Variants in CDH9 observed in about 807,000 individuals in gnomAD.
The protein encoded by CDH9 is cadherin-9.
Under a neutral mutation model 70.9 loss-of-function variants are expected in CDH9, and 28 were observed. The observed-to-expected ratio is 0.40, with a 90% confidence interval of 0.29 to 0.54. The LOEUF is 0.54. CDH9 is among the 20% of genes least tolerant of loss of function. The pLI, the probability that CDH9 is intolerant of heterozygous loss-of-function variation, is 0.59. For synonymous variants in CDH9, 409 were observed against 343.1 expected, an observed-to-expected ratio of 1.19 and a Z score of -2.12; for missense variants, 874 against 984.4, an observed-to-expected ratio of 0.89 and a Z score of 1.50.
intron 1 of CDH9, among the ~76,000 whole-genome samples, chr5:27,024,258 C>G (rs1226711253): frequency 1.3e-5 from 2 of 151,812 alleles, no homozygotes; most frequent in African/African-American, 4.8e-5. Context: ...GAAAGTATGA[C>G]TGCTTACATA....
chr5:27,006,083 C>G (rs1742860159), intron 1 of CDH9, among the ~76,000 whole-genome samples: 1 of 151,994 alleles, frequency 6.6e-6, no homozygotes, highest in African/African-American at 2.4e-5. Context: ...GGCTTAATAC[C>G]TGGGTGACTA....
Position 26,894,516 on chromosome 5 carries a change from T to C in CDH9, c.1254-3952A>G, listed in dbSNP as rs138475491. ...ATACAGAAATAGCTCACTTTTAACT[T>C]TGACAGCGCCAACTTCCAGGTCTAT... On this transcript the variant is annotated intron_variant, in intron 7 of 11. Transcript: ENST00000231021. Among the ~76,000 whole-genome samples the C allele has an allele frequency of 3.5e-3, 528 of 152,194 alleles. 1 individual carries two copies. Among genetic ancestry groups the C allele is most frequent in the African/African-American group, 0.012 (488 of 41,560 alleles).
chr5:27,014,346 G>A (rs1743010026), intron 1 of CDH9, among the ~76,000 whole-genome samples: 1 of 151,806 alleles, frequency 6.6e-6, no homozygotes, highest in East Asian at 1.9e-4. Flanking sequence ...TTCCCATGAT[G>A]GCAGTAAGCC....
intron 1 of CDH9, among the ~76,000 whole-genome samples, chr5:26,998,937 C>T (rs1384259787): frequency 6.6e-6 from 1 of 151,808 alleles, no homozygotes. Flanking sequence ...ATAAGATATG[C>T]ATCTATGTCT....
chr5:26,991,336 T>G (rs1401441206), intron 1 of CDH9, among the ~76,000 whole-genome samples: 1 of 152,216 alleles, frequency 6.6e-6, no homozygotes, highest in African/African-American at 2.4e-5. Context: ...ACAACTTCCC[T>G]TGGCTACTGG....
In CDH9 at chr5:26,991,379, C is replaced by T. The variant is rs78117806; in HGVS notation, c.-49-2997G>A. On this transcript the variant is annotated intron_variant, in intron 1 of 11. Coordinates refer to ENST00000231021, the MANE Select transcript of CDH9 (RefSeq NM_016279.4). ...TTGCCCACATGCACAGGATGCCTAA[C>T]GTGCTGCAAGTTTACAGACATCTGT... 2.4e-3 allele frequency among the ~76,000 whole-genome samples: 361 copies of T among 152,320 alleles called. 3 individuals are homozygous for T. Among genetic ancestry groups the T allele is most frequent in the Non-Finnish European group, 3.5e-3 (239 of 68,034 alleles).
chr5:26,959,874 C>G (rs899774866), intron 2 of CDH9, among the ~76,000 whole-genome samples: 6 of 148,804 alleles, frequency 4.0e-5, no homozygotes, highest in African/African-American at 1.5e-4. Context: ...AACTGGGGTA[C>G]TAGGGCATGA....
chr5:26,885,177 C>G (rs576721083), intron 11 of CDH9, among the ~76,000 whole-genome samples: 3 of 152,206 alleles, frequency 2.0e-5, no homozygotes, highest in South Asian at 4.1e-4. Context: ...GAAAGGAGAA[C>G]TCTATGGTAG....
At chr5:26,938,374 G>A (rs1387518139) in intron 2 of CDH9, among the ~76,000 whole-genome samples, 1 of 151,780 alleles carries the variant, frequency 6.6e-6, no homozygotes, top group African/African-American at 2.4e-5. Context: ...CACAAAATTA[G>A]ATGCTTGTAT....
At chr5:26,943,865 T>C (rs1471351138) in intron 2 of CDH9, among the ~76,000 whole-genome samples, 2 of 152,220 alleles carry the variant, frequency 1.3e-5, no homozygotes, top group Admixed American at 6.5e-5. Context: ...TGAGATAATG[T>C]TTGCAAAGTC....
intron 2 of CDH9, among the ~76,000 whole-genome samples, chr5:26,923,775 CA>C (rs1741289381): frequency 6.6e-6 from 1 of 151,980 alleles, no homozygotes; most frequent in Non-Finnish European, 1.5e-5. Context: ...AGAAACTATA[CA>C]AACACATCGA....
At chr5:26,930,104 C>G (rs182919847) in intron 2 of CDH9, among the ~76,000 whole-genome samples, 1 of 151,540 alleles carries the variant, frequency 6.6e-6, no homozygotes, top group South Asian at 2.1e-4. Flanking sequence ...ATCTCATGTG[C>G]CCCATAAATA....
chr5:26,942,323 G>A (rs544892754), intron 2 of CDH9, among the ~76,000 whole-genome samples: 1 of 152,194 alleles, frequency 6.6e-6, no homozygotes, highest in South Asian at 2.1e-4. Flanking sequence ...AACACATGGG[G>A]ATTGTGGGAA....
At chr5:26,938,388 CA>C (rs1430103114) in intron 2 of CDH9, among the ~76,000 whole-genome samples, 9 of 151,666 alleles carry the variant, frequency 5.9e-5, no homozygotes, top group Non-Finnish European at 8.8e-5. Context: ...CTTGTATATT[CA>C]AAAAACTTAA....
intron 1 of CDH9, among the ~76,000 whole-genome samples, chr5:26,989,749 A>C (rs1380022366): frequency 1.3e-5 from 2 of 152,144 alleles, no homozygotes; most frequent in Non-Finnish European, 2.9e-5. Flanking sequence ...AGCATCTATG[A>C]ATTCAGTAAT....
intron 2 of CDH9, among the ~76,000 whole-genome samples, chr5:26,937,344 A>G (rs769870680): frequency 7.2e-5 from 11 of 152,192 alleles, no homozygotes; most frequent in Non-Finnish European, 1.3e-4. Context: ...CAGAATGCAT[A>G]AAGTCCAAAG....
chr5:26,940,359 A>C (rs1485275342), intron 2 of CDH9, among the ~76,000 whole-genome samples: 3 of 152,156 alleles, frequency 2.0e-5, no homozygotes, highest in Non-Finnish European at 2.9e-5. Context: ...GATTCCCAGG[A>C]TCCTATAGTA....
In CDH9 at chr5:26,988,372, G is replaced by T. The variant is rs753661326; in HGVS notation, c.-39C>A. ...AGTGGGTTGTCAAATTCAATGTATT[G>T]TTTGTTTTTCCTAAAGAGTAAGGAG... On this transcript the variant is annotated 5_prime_UTR_variant, in exon 2 of 12. Coordinates refer to ENST00000231021, the MANE Select transcript of CDH9 (RefSeq NM_016279.4). 5.7e-6 allele frequency: 9 copies of T among 1,592,312 alleles called. No individual in the cohort carries two copies. The highest frequency in any genetic ancestry group is 7.7e-6 in the Non-Finnish European group (9 of 1,167,252).
Position 26,965,001 on chromosome 5 carries a change from A to G in CDH9, c.228+23105T>C, listed in dbSNP as rs147056373. On this transcript the variant is annotated intron_variant, in intron 2 of 11. Transcript: ENST00000231021. Reference sequence around the variant, plus strand: ...AAATAATTAAAACAGCTCTTAATTTATCAAAATTTCAAATGCTTATGTCTG... The same window carrying G: ...AAATAATTAAAACAGCTCTTAATTTGTCAAAATTTCAAATGCTTATGTCTG... Among the ~76,000 whole-genome samples, 968 of 152,256 alleles carry G rather than the reference A, an allele frequency of 6.4e-3. 11 individuals carry two copies. The highest frequency in any genetic ancestry group is 0.022 in the African/African-American group (909 of 41,546).
Sources: allele counts gnomAD v4.1 joint callset (sites outside exome capture counted in the v4.1 genomes callset), GRCh38; gene constraint gnomAD v4.1.1; transcripts MANE v1.5; gene names NCBI Gene and HGNC (gene_info 2026-07-23, HGNC 2026-07-21).